DENND1A: variants seen among roughly 807,000 people sequenced by gnomAD.
DENND1A encodes the protein DENN domain-containing protein 1A.
In DENND1A, 51 loss-of-function variants were observed where a neutral mutation model predicts 113.7. The ratio of observed to expected loss-of-function variants is 0.45; its 90% CI spans 0.36 to 0.57. The LOEUF (loss-of-function observed/expected upper bound fraction) is 0.57, where lower values mean the gene tolerates loss of function less well. Ranked by LOEUF, DENND1A falls within the 20% of genes least tolerant of loss-of-function variation. DENND1A has a pLI of 0.00. For synonymous variants in DENND1A, 565 were observed against 570.8 expected (o/e 0.99, Z 0.14); for missense variants, 1,258 against 1,395.9 (o/e 0.90, Z 1.57).
intron 3 of DENND1A, among the ~76,000 whole-genome samples, chr9:123,781,564 T>C (rs573222560): frequency 6.6e-6 from 1 of 152,264 alleles, no homozygotes; most frequent in East Asian, 1.9e-4. Flanking sequence ...AGAAAACATT[T>C]ATTAAACTAG....
chr9:123,520,450 T>C (rs1224779009), intron 13 of DENND1A, among the ~76,000 whole-genome samples: 2 of 152,168 alleles, frequency 1.3e-5, no homozygotes, highest in Admixed American at 6.5e-5. Flanking sequence ...CGAGACTCCA[T>C]CTCAACAACA....
chr9:123,457,974 G>T, intron 13 of DENND1A, 77 bp from the exon 14 acceptor site: 10 of 1,044,318 alleles, frequency 9.6e-6, no homozygotes, highest in South Asian at 1.6e-5. Context: ...TATTTGCAGA[G>T]TTTCTCCATC....
chr9:123,533,843 C>CTT (rs916864167), intron 13 of DENND1A, among the ~76,000 whole-genome samples: 4 of 152,008 alleles, frequency 2.6e-5, no homozygotes, highest in African/African-American at 9.7e-5. Context: ...CAAGCTGAAC[C>CTT]ACTCCCTCTC....
chr9:123,474,827 T>C (rs138049963), intron 13 of DENND1A, among the ~76,000 whole-genome samples: 157 of 152,176 alleles, frequency 1.0e-3, no homozygotes, highest in Non-Finnish European at 1.9e-3. Context: ...GTTCCTTTAA[T>C]GGAATAAAAA....
chr9:123,466,881 TAAA>T (rs55719445), intron 13 of DENND1A, among the ~76,000 whole-genome samples: 81,782 of 147,214 alleles, frequency 0.56, 24,769 homozygotes, highest in Non-Finnish European at 0.68. Context: ...CCCCATCTCT[TAAA>T]AAAAAAAAAA....
intron 5 of DENND1A, among the ~76,000 whole-genome samples, chr9:123,693,102 C>T (rs1242642276): frequency 6.6e-6 from 1 of 152,190 alleles, no homozygotes; most frequent in African/African-American, 2.4e-5. Context: ...TCCACCCATT[C>T]TATGTGTATA....
intron 5 of DENND1A, among the ~76,000 whole-genome samples, chr9:123,711,072 T>C (rs561854584): frequency 4.1e-4 from 62 of 152,318 alleles, no homozygotes; most frequent in South Asian, 1.4e-3. Context: ...ACGCATTATA[T>C]TGATAAGTTA....
chr9:123,859,567 T>C (rs1428896471), intron 2 of DENND1A, among the ~76,000 whole-genome samples: 1 of 152,044 alleles, frequency 6.6e-6, no homozygotes, highest in Non-Finnish European at 1.5e-5. Flanking sequence ...CATTCATTTA[T>C]TCATCCATCC....
chr9:123,827,392 AAT>A (rs56805562), intron 2 of DENND1A, among the ~76,000 whole-genome samples: 10,639 of 140,608 alleles, frequency 0.076, 591 homozygotes, highest in African/African-American at 0.16. Flanking sequence ...ATGGATATAT[AAT>A]ATATATATAT....
intron 18 of DENND1A, among the ~76,000 whole-genome samples, chr9:123,446,220 C>T (rs1288669367): frequency 9.2e-5 from 14 of 152,144 alleles, no homozygotes; most frequent in East Asian, 1.9e-4. Flanking sequence ...AGACTCGTGC[C>T]GCACCCTTCT....
intron 2 of DENND1A, among the ~76,000 whole-genome samples, chr9:123,876,653 G>T (rs182170159): frequency 6.6e-6 from 1 of 152,098 alleles, no homozygotes; most frequent in African/African-American, 2.4e-5. Context: ...AAGAGCATAC[G>T]CACTGGACTG....
intron 13 of DENND1A, among the ~76,000 whole-genome samples, chr9:123,473,697 G>A (rs1023439349): frequency 1.3e-5 from 2 of 152,068 alleles, no homozygotes; most frequent in African/African-American, 2.4e-5. Flanking sequence ...CACAACTTTC[G>A]GCCTGTTCCT....
At chr9:123,457,513 G>A (rs757650876) in intron 14 of DENND1A, 78 bp from the exon 15 acceptor site, 4 of 1,180,778 alleles carry the variant, frequency 3.4e-6, no homozygotes, top group Middle Eastern at 1.9e-4. Context: ...GCACCTTACT[G>A]TATCCAAGGT....
intron 13 of DENND1A, among the ~76,000 whole-genome samples, chr9:123,465,241 T>C (rs2048847455): frequency 6.7e-6 from 1 of 150,244 alleles, no homozygotes; most frequent in Non-Finnish European, 1.5e-5. Flanking sequence ...TCCTGTCTAG[T>C]TCAGGGAGCA....
intron 2 of DENND1A, among the ~76,000 whole-genome samples, chr9:123,794,190 C>G (rs1245715853): frequency 6.6e-6 from 1 of 152,152 alleles, no homozygotes; most frequent in Non-Finnish European, 1.5e-5. Context: ...AAGGACTAGG[C>G]TGGCGGAGAA....
intron 13 of DENND1A, among the ~76,000 whole-genome samples, chr9:123,538,820 A>AAC (rs2056036410): frequency 4.1e-5 from 3 of 72,580 alleles, no homozygotes; most frequent in Admixed American, 1.3e-4. Context: ...ATATATATAT[A>AAC]TATATATATA....
chr9:123,585,836 A>G (rs922195237), intron 11 of DENND1A, among the ~76,000 whole-genome samples: 1 of 152,144 alleles, frequency 6.6e-6, no homozygotes, highest in Non-Finnish European at 1.5e-5. Context: ...TAAAATGCTA[A>G]CTGTGGCCAC....
intron 5 of DENND1A, among the ~76,000 whole-genome samples, chr9:123,720,827 A>G (rs2067286175): frequency 6.6e-6 from 1 of 152,142 alleles, no homozygotes; most frequent in East Asian, 1.9e-4. Context: ...AACACAAACA[A>G]CTCAAGGCTA....
chr9:123,618,808 G>A (rs1407184349), intron 10 of DENND1A, among the ~76,000 whole-genome samples: 2 of 152,230 alleles, frequency 1.3e-5, no homozygotes, highest in Non-Finnish European at 1.5e-5. Flanking sequence ...CTATACTCCT[G>A]ACATCGGTGC....
Sources: allele counts gnomAD v4.1 joint callset (sites outside exome capture counted in the v4.1 genomes callset), GRCh38; gene constraint gnomAD v4.1.1; transcripts MANE v1.5; gene names NCBI Gene and HGNC (gene_info 2026-07-23, HGNC 2026-07-21).